Variants in TET2 observed in about 807,000 individuals in gnomAD.
TET2 encodes the protein methylcytosine dioxygenase TET2.
TET2 carries 299 observed loss-of-function variants against 142.9 expected under a neutral mutation model. That is an observed-to-expected ratio of 2.09 (90% CI 1.90 to 2.30). The LOEUF is 2.30. Among genes scored for constraint, TET2 ranks in the 30% most tolerant of loss-of-function variants. TET2 has a pLI of 0.00. For synonymous variants in TET2, 819 were observed against 849.0 expected (o/e 0.96, Z 0.61); for missense variants, 2,418 against 2,378.0 (o/e 1.02, Z -0.35).
chr4:105,253,968 C>A (rs914916016), intron 6 of TET2, among the ~76,000 whole-genome samples: 1 of 152,024 alleles, frequency 6.6e-6, no homozygotes, highest in Non-Finnish European at 1.5e-5. Flanking sequence ...AAATGGATTA[C>A]ATTAATTGAT....
At chr4:105,154,858 C>T (rs1723484428) in intron 1 of TET2, among the ~76,000 whole-genome samples, 1 of 152,028 alleles carries the variant, frequency 6.6e-6, no homozygotes, top group Non-Finnish European at 1.5e-5. Flanking sequence ...AACCCCATCC[C>T]TACAAAAAAT....
intron 3 of TET2, chr4:105,240,272 GT>G: frequency 1.1e-6 from 1 of 929,334 alleles, no homozygotes; most frequent in Non-Finnish European, 1.3e-6. Context: ...AAAAGTCACA[GT>G]AACTGTGACT....
In TET2 at chr4:105,236,217, A is replaced by C. The variant is rs775785560; in HGVS notation, c.2275A>C (p.Thr759Pro). The C allele has an allele frequency of 4.3e-6, 7 of 1,614,028 alleles. No homozygotes were observed. The highest frequency in any genetic ancestry group is 5.9e-6 in the Non-Finnish European group (7 of 1,180,026). The change falls in exon 3 of 11, where the codon ACT (threonine) becomes CCT (proline). Residue 759 changes from threonine (T) to proline (P), a missense_variant. Thr to Pro is a conservative substitution (Grantham distance 38). Coordinates refer to ENST00000380013, the MANE Select transcript of TET2 (RefSeq NM_001127208.3). ...AAAGAATAAAGAGGAAATACTCCAG[A>C]CTTTTCCTCACCCCCAAAGCAACAA... The part of the protein sequence containing the change: ...QIKNKEEILQ[T>P]FPHPQSNNDQ...
Position 105,236,371 on chromosome 4 carries a change from A to G in TET2, c.2429A>G (p.Gln810Arg), listed in dbSNP as rs28555446. The part of the protein sequence containing the change: ...HNVQMGLEEV[Q>R]NINRRNSPYS... ...GTCCAAATGGGACTGGAGGAAGTAC[A>G]GAATATAAATCGTAGAAATTCCCCT... is the stretch of plus-strand genomic sequence containing the variant. The change falls in exon 3 of 11, where the codon CAG becomes CGG. Residue 810 changes from glutamine (Q) to arginine (R), a missense_variant. Transcript: ENST00000380013. 1,001 of 1,614,028 alleles carry G rather than the reference A, an allele frequency of 6.2e-4. 6 individuals carry two copies. The African/African-American group carries it at 7.8e-3, about 13-fold the overall frequency.
intron 3 of TET2, chr4:105,240,692 C>T: frequency 9.3e-7 from 1 of 1,080,276 alleles, no homozygotes; most frequent in Non-Finnish European, 1.1e-6. Context: ...CTCTTATCAC[C>T]CACCCCTATC....
intron 3 of TET2, chr4:105,238,275 G>A: frequency 4.2e-6 from 1 of 239,110 alleles, no homozygotes; most frequent in Non-Finnish European, 8.9e-6. Context: ...GGTGGTAGTT[G>A]CTGAAGGTTG....
At chr4:105,239,322 G>GC (rs1729163000) in intron 3 of TET2, 1 of 239,644 alleles carries the variant, frequency 4.2e-6, no homozygotes, top group Non-Finnish European at 8.9e-6. Context: ...TTGAAGCAAG[G>GC]CATTGACTTC....
chr4:105,233,610 A>C (rs1031044970), intron 2 of TET2, among the ~76,000 whole-genome samples: 1 of 152,202 alleles, frequency 6.6e-6, no homozygotes, highest in Non-Finnish European at 1.5e-5. Flanking sequence ...AATGAAATTG[A>C]TGCTAGTAAC....
At chr4:105,242,186 T>A in intron 4 of TET2, 1 of 1,112,588 alleles carries the variant, frequency 9.0e-7, no homozygotes, top group Non-Finnish European at 1.1e-6. Context: ...TCCAAATTAT[T>A]CATTTCTAAA....
intron 2 of TET2, among the ~76,000 whole-genome samples, chr4:105,228,024 T>C (rs762251409): frequency 6.6e-6 from 1 of 152,118 alleles, no homozygotes; most frequent in Non-Finnish European, 1.5e-5. Flanking sequence ...GCAAAATGCA[T>C]AGGTCTCATT....
chr4:105,254,753 C>T lies in TET2; in HGVS notation c.3804-4866C>T, dbSNP rs573719454. Among the ~76,000 whole-genome samples the T allele has an allele frequency of 5.9e-5, 9 of 152,194 alleles. No individual in the cohort carries two copies. The East Asian group carries it at 1.5e-3, about 26-fold the overall frequency. On this transcript the variant is annotated intron_variant, in intron 6 of 10. Transcript: ENST00000380013. ...TTAGGAACAATAGAATGGTATATGG[C>T]ATTTTCAAAAATTGTTTTCCCCTCC...
chr4:105,218,398 ACTT>A (rs1331692949), intron 2 of TET2, among the ~76,000 whole-genome samples: 1 of 151,952 alleles, frequency 6.6e-6, no homozygotes, highest in Non-Finnish European at 1.5e-5. Flanking sequence ...TTTTATATCT[ACTT>A]CTTCCTCATG....
At chr4:105,273,775 T>C (rs561217054) in intron 10 of TET2, among the ~76,000 whole-genome samples, 2 of 152,298 alleles carry the variant, frequency 1.3e-5, no homozygotes, top group South Asian at 4.2e-4. Context: ...TAGGAGGGGT[T>C]CTACATGTAG....
intron 2 of TET2, among the ~76,000 whole-genome samples, chr4:105,227,137 A>ATTAT (rs1728240012): frequency 1.3e-5 from 2 of 152,250 alleles, no homozygotes. Flanking sequence ...ATAACCCATA[A>ATTAT]GAGCATCTCC....
rs924321610 is a variant in TET2 at position 105,235,131 on chromosome 4, A to ACAC, written c.1201_1203dup (p.Pro401dup). 5 of 1,613,676 alleles carry ACAC rather than the reference A, an allele frequency of 3.1e-6. No individual in the cohort carries two copies. The highest frequency in any genetic ancestry group is 1.1e-5 in the South Asian group (1 of 91,014). On this transcript the variant is annotated inframe_insertion, in exon 3 of 11. Transcript: ENST00000380013. ...TAAGGATTCCTTTTCTGCCACTACCACACCACCACCACCATCACAATTGCT... is the reference window on the plus strand; with the variant it reads ...TAAGGATTCCTTTTCTGCCACTACCACACCACCACCACCACCATCACAATTGCT...
At chr4:105,267,707 A>G (rs980289196) in intron 8 of TET2, among the ~76,000 whole-genome samples, 2 of 151,960 alleles carry the variant, frequency 1.3e-5, no homozygotes, top group Non-Finnish European at 2.9e-5. Flanking sequence ...ACCACATTAA[A>G]TGTAAATGGT....
chr4:105,251,442 AGG>A (rs1729862685), intron 6 of TET2, among the ~76,000 whole-genome samples: 1 of 152,214 alleles, frequency 6.6e-6, no homozygotes, highest in Non-Finnish European at 1.5e-5. Flanking sequence ...TTATCACGAA[AGG>A]GTGTTGAACT....
At chr4:105,268,880 T>C (rs963813541) in intron 8 of TET2, among the ~76,000 whole-genome samples, 2 of 152,034 alleles carry the variant, frequency 1.3e-5, no homozygotes, top group Non-Finnish European at 2.9e-5. Flanking sequence ...GGTTGAGGCC[T>C]GAGAATCGCT....
In TET2 at chr4:105,236,085, A is replaced by G. The variant is rs375016935; in HGVS notation, c.2143A>G (p.Asn715Asp). Reference sequence around the variant, plus strand: ...GGCTTCAGAGACTGAGCCATTTTCAAACTCACACCTTTTGCAACATAAGCC... The same window carrying G: ...GGCTTCAGAGACTGAGCCATTTTCAGACTCACACCTTTTGCAACATAAGCC... The part of the protein sequence containing the change: ...QQASETEPFS[N>D]SHLLQHKPHK... The change falls in exon 3 of 11, where the codon AAC (asparagine) becomes GAC (aspartate). Residue 715 changes from asparagine to aspartate, a missense_variant. By Grantham distance (23) the Asn-to-Asp change is conservative. Coordinates refer to ENST00000380013, the MANE Select transcript of TET2 (RefSeq NM_001127208.3). 5.0e-6 allele frequency: 8 copies of G among 1,614,168 alleles called. No homozygotes were observed. The highest frequency in any genetic ancestry group is 6.8e-6 in the Non-Finnish European group (8 of 1,180,022).
Sources: allele counts gnomAD v4.1 joint callset (sites outside exome capture counted in the v4.1 genomes callset), GRCh38; gene constraint gnomAD v4.1.1; transcripts MANE v1.5; gene names NCBI Gene and HGNC (gene_info 2026-07-23, HGNC 2026-07-21).